Variants in TMEM218 observed in about 807,000 individuals in gnomAD.
TMEM218 encodes the protein transmembrane protein 218.
A neutral mutation model predicts 10.0 loss-of-function variants in TMEM218; 8 were observed. The observed-to-expected ratio is 0.80, with a 90% CI of 0.47 to 1.44. The LOEUF (loss-of-function observed/expected upper bound fraction) is 1.44. Among genes scored for constraint, TMEM218 ranks in the 40% most tolerant of loss-of-function variants. TMEM218 has a pLI of 0.00. For synonymous variants in TMEM218, 66 were observed against 63.5 expected (o/e 1.04, Z -0.18); for missense variants, 110 against 140.1 (o/e 0.79, Z 1.08).
intron 1 of TMEM218, among the ~76,000 whole-genome samples, chr11:125,110,282 T>A (rs1953481637): frequency 6.6e-6 from 1 of 152,206 alleles, no homozygotes; most frequent in Admixed American, 6.5e-5. Flanking sequence ...CAAGGGTAAG[T>A]CCATTTACTT....
chr11:125,102,503 G>C lies in TMEM218; in HGVS notation c.-76-186C>G, dbSNP rs1951046541. On this transcript the variant is annotated intron_variant, in intron 2 of 4. Coordinates refer to ENST00000682305, the MANE Select transcript of TMEM218 (RefSeq NM_001258244.2). ...AGCCTTTCTCTTTGGTGGGGACTGA[G>C]AGGGTGTTTTCCGCTCTGCGCTCAG... The C allele has an allele frequency of 4.1e-6, 6 of 1,459,978 alleles. No homozygotes were observed. In the South Asian group the frequency reaches 7.8e-5, roughly 19 times the overall value. The allele number at this position is 1,459,978 out of a possible 1,614,324, so 90.4% of individuals were successfully genotyped here. A position where few individuals can be genotyped will look rare whatever the true frequency, so the allele number is the denominator to read the frequency against.
At chr11:125,097,795 G>A in intron 4 of TMEM218, 55 bp from the exon 5 acceptor site, 2 of 1,567,700 alleles carry the variant, frequency 1.3e-6, no homozygotes, top group South Asian at 1.2e-5. Flanking sequence ...CCCTGGCTGG[G>A]TTAACCTGAA....
Position 125,108,357 on chromosome 11 carries a change from T to C in TMEM218, c.-153+3182A>G, listed in dbSNP as rs1291861276. On this transcript the variant is annotated intron_variant, in intron 1 of 4. Coordinates refer to ENST00000682305, the MANE Select transcript of TMEM218 (RefSeq NM_001258244.2). The surrounding 1 kb of genome is among the most constrained non-coding windows in gnomAD (Gnocchi z 5.3). ...AGTGTTGGGACAAATGATTCTCCAA[T>C]AGGAAAAGAATAAAACTAGATCTCT... Among the ~76,000 whole-genome samples the C allele has an allele frequency of 6.6e-6, 1 of 152,134 alleles. No homozygotes were observed. The highest frequency in any genetic ancestry group is 2.4e-5 in the African/African-American group (1 of 41,420).
chr11:125,102,175 G>A lies in TMEM218; in HGVS notation c.67C>T (p.Leu23=). ...FILALLWVAV[L]LLCVLLSRAS... is the part of the protein sequence containing the mutation. ...CTGGACAGCAGCACACACAGCAGCA[G>A]CACTGCCACCCAGAGCAGGGCTAAG... The change falls in exon 3 of 5, where the codon CTG becomes TTG. Residue 23 remains leucine (L), a synonymous_variant. Transcript: ENST00000682305. 1 of 1,610,180 alleles carries A rather than the reference G, an allele frequency of 6.2e-7. No homozygotes were observed. The highest frequency in any genetic ancestry group is 8.5e-7 in the Non-Finnish European group (1 of 1,178,468).
intron 4 of TMEM218, among the ~76,000 whole-genome samples, chr11:125,099,953 G>T (rs1950420465): frequency 1.3e-5 from 2 of 151,730 alleles, no homozygotes; most frequent in African/African-American, 4.8e-5. Context: ...GATAAGTGAG[G>T]TGTGAATTTG....
rs1195818292 is a variant in TMEM218 at position 125,111,557 on chromosome 11, G to C, written c.-171C>G. ...TCCTCACCTCTGCCCCCTTCACCTG[G>C]ATCCACTCTCCCCCAGGCTCTACTC... is the stretch of plus-strand genomic sequence containing the variant. On this transcript the variant is annotated 5_prime_UTR_variant, in exon 1 of 5. The change creates a new upstream start codon in the 5' untranslated region. Transcript: ENST00000682305. 2 of 152,370 alleles carry C rather than the reference G, an allele frequency of 1.3e-5. No homozygotes were observed. Among genetic ancestry groups the C allele is most frequent in the African/African-American group, 2.4e-5 (1 of 41,364 alleles). 9.4% of individuals were successfully genotyped at this position (152,370 alleles called of 1,614,324 possible). A position where few individuals can be genotyped will look rare whatever the true frequency, so the allele number is the denominator to read the frequency against.
In TMEM218 at chr11:125,102,247, G is replaced by A. The variant is rs746919283; in HGVS notation, c.-6C>T. 8.7e-6 allele frequency: 14 copies of A among 1,612,110 alleles called. No homozygotes were observed. Among genetic ancestry groups the A allele is most frequent in the African/African-American group, 4.0e-5 (3 of 74,940 alleles). On this transcript the variant is annotated 5_prime_UTR_variant, in exon 3 of 5. Coordinates refer to ENST00000682305, the MANE Select transcript of TMEM218 (RefSeq NM_001258244.2). Reference sequence around the variant, plus strand: ...CCGAGCACAGTGCCAGCCATCCCGCGGGGAGGCAGCGGCGGCCCCCCGCCC... The same window carrying A: ...CCGAGCACAGTGCCAGCCATCCCGCAGGGAGGCAGCGGCGGCCCCCCGCCC...
chr11:125,101,693 T>C, intron 3 of TMEM218: 1 of 555,232 alleles, frequency 1.8e-6, no homozygotes. Flanking sequence ...AGTGCAACTC[T>C]AGTGTTTTCA....
chr11:125,102,173 C>A lies in TMEM218; in HGVS notation c.69G>T (p.Leu23=). Residue 23 remains leucine, a synonymous_variant, in exon 3 of 5, where the codon CTG becomes CTT. Transcript: ENST00000682305. ...CTCTGGACAGCAGCACACACAGCAGCAGCACTGCCACCCAGAGCAGGGCTA... is the reference window on the plus strand; with the variant it reads ...CTCTGGACAGCAGCACACACAGCAGAAGCACTGCCACCCAGAGCAGGGCTA... ...FILALLWVAV[L]LLCVLLSRAS... 1 of 1,610,016 alleles carries A rather than the reference C, an allele frequency of 6.2e-7. No homozygotes were observed. The highest frequency in any genetic ancestry group is 1.1e-5 in the South Asian group (1 of 90,696).
intron 1 of TMEM218, chr11:125,103,897 G>A (rs1371296758): frequency 2.0e-5 from 3 of 151,040 alleles, no homozygotes; most frequent in Non-Finnish European, 4.4e-5. Context: ...TGGAAAGGAG[G>A]GTCTAAGCAT....
At chr11:125,102,648 T>C (rs1213590577) in intron 2 of TMEM218, 86 bp downstream of exon 2, 2 of 1,295,012 alleles carry the variant, frequency 1.5e-6, no homozygotes, top group East Asian at 5.5e-5. Flanking sequence ...TAAGAACTGG[T>C]AGAAGACACC....
At position 125,102,476 on chromosome 11, in the gene TMEM218, A is replaced by T. The variant is rs146484177; in HGVS notation, c.-76-159T>A. 4.0e-5 allele frequency: 59 copies of T among 1,476,232 alleles called. 1 individual carries two copies. In the African/African-American group the frequency reaches 7.7e-4, roughly 19 times the overall value. The allele number at this position is 1,476,232 out of a possible 1,614,324, so 91.4% of individuals were successfully genotyped here. ...AATGGAAACTGGAAATTTAGAACCC[A>T]AAGCCTTTCTCTTTGGTGGGGACTG... is the stretch of plus-strand genomic sequence containing the variant. On this transcript the variant is annotated intron_variant, in intron 2 of 4. Transcript: ENST00000682305.
At chr11:125,103,665 T>A (rs954131383) in intron 1 of TMEM218, 1 of 152,242 alleles carries the variant, frequency 6.6e-6, no homozygotes, top group Non-Finnish European at 1.5e-5. Context: ...TCAAACAAGG[T>A]CATGGTCACA....
intron 3 of TMEM218, chr11:125,101,893 G>A (rs975554397): frequency 5.6e-6 from 3 of 532,548 alleles, no homozygotes; most frequent in African/African-American, 2.0e-5. Context: ...TCAATAAGCA[G>A]TGAAAGCAGA....
At chr11:125,111,247 G>A (rs1044844891) in intron 1 of TMEM218, among the ~76,000 whole-genome samples, 3 of 152,118 alleles carry the variant, frequency 2.0e-5, no homozygotes, top group Admixed American at 1.3e-4. Context: ...CCCATGTCTC[G>A]TCTTCAGAAT....
At chr11:125,109,607 G>A (rs1953210167) in intron 1 of TMEM218, among the ~76,000 whole-genome samples, 2 of 152,154 alleles carry the variant, frequency 1.3e-5, no homozygotes, top group African/African-American at 4.8e-5. Flanking sequence ...TGGGCAGCAG[G>A]ATGCATATGA....
chr11:125,105,807 T>C (rs1347431058), intron 1 of TMEM218, among the ~76,000 whole-genome samples: 1 of 150,430 alleles, frequency 6.6e-6, no homozygotes, highest in African/African-American at 2.4e-5. Context: ...CAAGGGTCAG[T>C]GGGTGTGAGG....
chr11:125,097,634 A>T lies in TMEM218; in HGVS notation c.320T>A (p.Ile107Asn), dbSNP rs747101436. The stretch of plus-strand genomic sequence containing the variant: ...GTAGGAGTGCAGTGGTTTGGCATAG[A>T]TCGGCTCCAGAACATAATGGATTAA... ...LVLIHYVLEP[I>N]YAKPLHSY Residue 107 changes from isoleucine (I) to asparagine (N), a missense_variant, in exon 5 of 5, where the codon ATC becomes AAC. Ile to Asn is a moderately radical substitution (Grantham distance 149). Transcript: ENST00000682305. 5 of 1,614,188 alleles carry T rather than the reference A, an allele frequency of 3.1e-6. No homozygotes were observed. In the South Asian group the frequency reaches 4.4e-5, roughly 14 times the overall value.
chr11:125,110,990 G>C (rs192801965), intron 1 of TMEM218, among the ~76,000 whole-genome samples: 1 of 152,058 alleles, frequency 6.6e-6, no homozygotes, highest in Non-Finnish European at 1.5e-5. Context: ...CAGTTGCCAA[G>C]CTCCCAAAAT....
Sources: allele counts gnomAD v4.1 joint callset (sites outside exome capture counted in the v4.1 genomes callset), GRCh38; gene constraint gnomAD v4.1.1; non-coding constraint Gnocchi (gnomAD v3.1); transcripts MANE v1.5; gene names NCBI Gene and HGNC (gene_info 2026-07-23, HGNC 2026-07-21).